Variants in TCEA1 observed in about 807,000 individuals in gnomAD.
The protein encoded by TCEA1 is transcription elongation factor A1.
In TCEA1, 21 loss-of-function variants were observed where a neutral mutation model predicts 43.8. That is an observed-to-expected ratio of 0.48 (90% CI 0.34 to 0.69). The LOEUF is 0.69. Ranked by LOEUF, TCEA1 falls within the 30% of genes least tolerant of loss-of-function variation. The pLI is 0.01. For missense variants in TCEA1, 250 were observed against 365.1 expected, an observed-to-expected ratio of 0.68 and a Z score of 2.57; for synonymous variants, 104 against 117.5, an observed-to-expected ratio of 0.88 and a Z score of 0.75.
At chr8:53,969,560 A>G (rs1244035391) in intron 9 of TCEA1, among the ~76,000 whole-genome samples, 1 of 152,176 alleles carries the variant, frequency 6.6e-6, no homozygotes, top group African/African-American at 2.4e-5. Flanking sequence ...CATTTTTAGA[A>G]CACCAACAAT....
intron 8 of TCEA1, chr8:53,973,622 C>G (rs1293107168): frequency 3.5e-6 from 2 of 567,256 alleles, no homozygotes; most frequent in East Asian, 8.9e-5. Flanking sequence ...ACTTCAATTA[C>G]AACAAGATTG....
At position 53,967,206 on chromosome 8, in the gene TCEA1, G is replaced by A. The variant is rs558668905; in HGVS notation, c.*898C>T. ...TAATCCTTGGTCAGTATAGATTTCC[G>A]AATCAAAATCTAGTCATGAACTGTT... On this transcript the variant is annotated 3_prime_UTR_variant, in exon 10 of 10. Coordinates refer to ENST00000521604, the MANE Select transcript of TCEA1 (RefSeq NM_006756.4). The A allele has an allele frequency of 7.4e-5, 15 of 203,536 alleles. No individual in the cohort carries two copies. Among genetic ancestry groups the A allele is most frequent in the East Asian group, 5.3e-4 (7 of 13,122 alleles). The allele number at this position is 203,536 out of a possible 1,614,324, so 12.6% of individuals were successfully genotyped here. A position where few individuals can be genotyped will look rare whatever the true frequency, so the allele number is the denominator to read the frequency against.
intron 3 of TCEA1, among the ~76,000 whole-genome samples, chr8:53,997,614 G>A (rs185931741): frequency 2.0e-5 from 3 of 152,326 alleles, no homozygotes; most frequent in East Asian, 1.9e-4. Context: ...AAACAAAGGA[G>A]GGGCCAAGCG....
chr8:53,978,831 G>T, intron 8 of TCEA1, 194 bp downstream of exon 8: 1 of 509,776 alleles, frequency 2.0e-6, no homozygotes, highest in Non-Finnish European at 3.4e-6. Context: ...CAGTACATAT[G>T]TATCGGAAAA....
At chr8:54,003,008 C>A in intron 2 of TCEA1, 1 of 456,228 alleles carries the variant, frequency 2.2e-6, no homozygotes, top group Non-Finnish European at 4.4e-6. Flanking sequence ...AGGAAACAAG[C>A]AGATTTGGTG....
chr8:53,986,376 G>T (rs930470705), intron 6 of TCEA1, among the ~76,000 whole-genome samples: 5 of 152,086 alleles, frequency 3.3e-5, no homozygotes, highest in African/African-American at 1.2e-4. Flanking sequence ...AAACCTCTGT[G>T]GTGTTAAGCC....
chr8:54,007,857 T>C (rs1804524739), intron 2 of TCEA1, among the ~76,000 whole-genome samples: 1 of 152,182 alleles, frequency 6.6e-6, no homozygotes, highest in African/African-American at 2.4e-5. Flanking sequence ...TTTTAACACT[T>C]TGACTTTTAT....
chr8:54,017,682 A>G (rs1804878439), intron 1 of TCEA1, among the ~76,000 whole-genome samples: 1 of 152,226 alleles, frequency 6.6e-6, no homozygotes, highest in East Asian at 1.9e-4. Context: ...GCAATTTGGG[A>G]GGCCGAGGCA....
Position 53,979,014 on chromosome 8 carries a change from C to T in TCEA1, c.825+11G>A. ...TTATATAAAAATAAGAATCTATAAA[C>T]AATCACAAACCTGTGTGTAAGTGCA... On this transcript the variant is annotated intron_variant, in intron 8 of 9. Transcript: ENST00000521604. 2 of 1,592,684 alleles carry T rather than the reference C, an allele frequency of 1.3e-6. No homozygotes were observed. Among genetic ancestry groups the T allele is most frequent in the South Asian group, 1.1e-5 (1 of 87,652 alleles).
chr8:53,990,140 GA>G (rs1803826884), intron 4 of TCEA1, among the ~76,000 whole-genome samples: 1 of 151,274 alleles, frequency 6.6e-6, no homozygotes, highest in African/African-American at 2.4e-5. Flanking sequence ...TGAGGCTGCA[GA>G]AAGCCTTGAC....
chr8:54,022,272 A>G lies in TCEA1; in HGVS notation c.-147T>C, dbSNP rs1805072914. On this transcript the variant is annotated 5_prime_UTR_variant, in exon 1 of 10. Coordinates refer to ENST00000521604, the MANE Select transcript of TCEA1 (RefSeq NM_006756.4). Reference sequence around the variant, plus strand: ...CCTAGGCCCCCTTCCTTACGAACGAAGCCCGCGGCGGCGGCGGCGGCGGCG... The same window carrying G: ...CCTAGGCCCCCTTCCTTACGAACGAGGCCCGCGGCGGCGGCGGCGGCGGCG... 2.9e-6 allele frequency: 3 copies of G among 1,028,956 alleles called. No homozygotes were observed. The Admixed American group carries it at 7.4e-5, about 25-fold the overall frequency. The allele number at this position is 1,028,956 out of a possible 1,614,324, so 63.7% of individuals were successfully genotyped here.
In TCEA1 at chr8:53,967,847, TTTAA is replaced by T. The variant is rs796138914; in HGVS notation, c.*253_*256del. On this transcript the variant is annotated 3_prime_UTR_variant, in exon 10 of 10. Transcript: ENST00000521604. The stretch of plus-strand genomic sequence containing the variant: ...AAGAAAGAAGAAATATTGCCAAGAG[TTTAA>T]TTAATATCAACTTACTTATAAAAAC... 29 of 384,124 alleles carry T rather than the reference TTTAA, an allele frequency of 7.5e-5. No individual in the cohort carries two copies. In the South Asian group the frequency reaches 8.1e-4, roughly 11 times the overall value. 23.8% of individuals were successfully genotyped at this position (384,124 alleles called of 1,614,324 possible).
chr8:53,992,114 C>A (rs967991782), intron 4 of TCEA1, among the ~76,000 whole-genome samples: 3 of 152,012 alleles, frequency 2.0e-5, no homozygotes, highest in Middle Eastern at 3.4e-3. Flanking sequence ...GAGTTCAAGA[C>A]CAGTCTGGCC....
At chr8:53,985,863 C>A (rs1160987542) in intron 6 of TCEA1, among the ~76,000 whole-genome samples, 1 of 152,176 alleles carries the variant, frequency 6.6e-6, no homozygotes, top group Non-Finnish European at 1.5e-5. Context: ...GCTTTCCATG[C>A]CCTTTTGCAC....
At chr8:54,018,877 C>T (rs1804929041) in intron 1 of TCEA1, among the ~76,000 whole-genome samples, 1 of 152,194 alleles carries the variant, frequency 6.6e-6, no homozygotes, top group Non-Finnish European at 1.5e-5. Context: ...AGAGCAGATG[C>T]AAGGGTCTTC....
Position 54,022,093 on chromosome 8 carries a change from C to A in TCEA1, c.33G>T (p.Lys11Asn). 2 of 1,587,244 alleles carry A rather than the reference C, an allele frequency of 1.3e-6. No individual in the cohort carries two copies. Among genetic ancestry groups the A allele is most frequent in the Non-Finnish European group, 1.7e-6 (2 of 1,164,756 alleles). Residue 11 changes from lysine to asparagine, a missense_variant, in exon 1 of 10, where the codon AAG becomes AAT. Physicochemically the swap from Lys to Asn is moderately conservative, Grantham distance 94 (BLOSUM62 0). Around this residue, in one of 4 missense-constraint regions of TCEA1, gnomAD observed 30 missense variants for 31.8 expected, o/e 0.94. Coordinates refer to ENST00000521604, the MANE Select transcript of TCEA1 (RefSeq NM_006756.4). Reference sequence around the variant, plus strand: ...TCTTCTTCTGCACCATCTTGTCCATCTTCTTGGCAAAGCGGACCACTTCGT... The same window carrying A: ...TCTTCTTCTGCACCATCTTGTCCATATTCTTGGCAAAGCGGACCACTTCGT... MEDEVVRFAK[K>N]MDKMVQKKNA...
intron 7 of TCEA1, among the ~76,000 whole-genome samples, chr8:53,983,446 T>C (rs1439661361): frequency 2.0e-5 from 3 of 152,242 alleles, no homozygotes; most frequent in Non-Finnish European, 4.4e-5. Flanking sequence ...TGTCTATAAA[T>C]AGCAAGCTAT....
intron 1 of TCEA1, among the ~76,000 whole-genome samples, chr8:54,014,762 A>G (rs1417954150): frequency 6.6e-6 from 1 of 152,260 alleles, no homozygotes; most frequent in Admixed American, 6.5e-5. Flanking sequence ...AGGGATTTAT[A>G]GTTAAGAATA....
intron 2 of TCEA1, among the ~76,000 whole-genome samples, chr8:54,002,715 A>T (rs1303808098): frequency 1.3e-5 from 2 of 152,230 alleles, no homozygotes; most frequent in Non-Finnish European, 2.9e-5. Context: ...AGGTTATACG[A>T]AAGTATTCTG....
Sources: allele counts gnomAD v4.1 joint callset (sites outside exome capture counted in the v4.1 genomes callset), GRCh38; gene constraint gnomAD v4.1.1; regional missense constraint gnomAD v4.1.1; transcripts MANE v1.5; gene names NCBI Gene and HGNC (gene_info 2026-07-23, HGNC 2026-07-21).